Variants in CPNE5 observed in about 807,000 individuals in gnomAD.
The protein encoded by CPNE5 is copine 5.
CPNE5 carries 42 observed loss-of-function variants against 81.1 expected under a neutral mutation model. The observed-to-expected ratio is 0.52, with a 90% CI of 0.40 to 0.67. The LOEUF is 0.67. Ranked by LOEUF, CPNE5 falls within the 30% of genes least tolerant of loss-of-function variation. CPNE5 has a pLI of 0.00. For synonymous variants in CPNE5, 313 were observed against 321.5 expected, an observed-to-expected ratio of 0.97 and a Z score of 0.28; for missense variants, 612 against 815.5, an observed-to-expected ratio of 0.75 and a Z score of 3.04.
At chr6:36,780,089 G>A (rs956210020) in intron 8 of CPNE5, among the ~76,000 whole-genome samples, 10 of 151,636 alleles carry the variant, frequency 6.6e-5, no homozygotes, top group African/African-American at 2.2e-4. Context: ...TCAGCCTCCC[G>A]AGTAGCTGGG....
intron 8 of CPNE5, among the ~76,000 whole-genome samples, chr6:36,790,629 C>T (rs1217245231): frequency 6.6e-6 from 1 of 152,184 alleles, no homozygotes; most frequent in Non-Finnish European, 1.5e-5. Flanking sequence ...TGGAGTCTCG[C>T]TCTGTCGCCC....
At chr6:36,791,935 G>A in intron 8 of CPNE5, 98 bp downstream of exon 8, 2 of 1,051,816 alleles carry the variant, frequency 1.9e-6, no homozygotes, top group Non-Finnish European at 1.5e-6. Flanking sequence ...CAGGAGCCCT[G>A]TCTACCCTCG....
In CPNE5 at chr6:36,746,277, C is replaced by T; in HGVS notation, c.1200+119G>A. The stretch of plus-strand genomic sequence containing the variant: ...CCTACACACAGCAGGCAGTCTACCT[C>T]CACTGAGGCTGAGCCTTAAGTCCCC... On this transcript the variant is annotated intron_variant, in intron 16 of 20. Coordinates refer to ENST00000244751, the MANE Select transcript of CPNE5 (RefSeq NM_020939.2). The surrounding 1 kb of genome is among the most constrained non-coding windows in gnomAD (Gnocchi z 4.5). The T allele has an allele frequency of 6.9e-7, 1 of 1,455,934 alleles. No individual in the cohort carries two copies. Among genetic ancestry groups the T allele is most frequent in the Non-Finnish European group, 9.0e-7 (1 of 1,105,506 alleles). 90.2% of individuals were successfully genotyped at this position (1,455,934 alleles called of 1,614,324 possible).
At position 36,790,541 on chromosome 6, in the gene CPNE5, C is replaced by T. The variant is rs375829764; in HGVS notation, c.528+1492G>A. ...TTTGCAAAAATGTAAAACAAGGCCA[C>T]TCTTCTCATTAAATGATTATTGGGA... On this transcript the variant is annotated intron_variant, in intron 8 of 20. Transcript: ENST00000244751. Among the ~76,000 whole-genome samples the T allele has an allele frequency of 6.9e-4, 105 of 152,318 alleles. 2 individuals are homozygous for T. The South Asian group carries it at 0.022, about 32-fold the overall frequency.
intron 5 of CPNE5, 51 bp downstream of exon 5, chr6:36,798,404 A>G (rs1769787873): frequency 1.3e-6 from 2 of 1,591,234 alleles, no homozygotes; most frequent in Admixed American, 1.7e-5. Context: ...CACCCAGAGG[A>G]TGGCATTTCA....
At chr6:36,748,100 T>A (rs1359350121) in intron 15 of CPNE5, 121 bp downstream of exon 15, 5 of 897,756 alleles carry the variant, frequency 5.6e-6, no homozygotes, top group Non-Finnish European at 9.4e-6. Flanking sequence ...CCTAGGTACA[T>A]CCTCTTTGGT....
chr6:36,790,045 C>T (rs1768948350), intron 8 of CPNE5, among the ~76,000 whole-genome samples: 1 of 152,160 alleles, frequency 6.6e-6, no homozygotes, highest in Non-Finnish European at 1.5e-5. Flanking sequence ...TGGTTAAAGA[C>T]CTTGGCTCTA....
At position 36,763,698 on chromosome 6, in the gene CPNE5, T is replaced by A. The variant is rs1312558671; in HGVS notation, c.780-706A>T. ...AAAGTGCCCTTATTTTTTAGACATT[T>A]TCAATGAAGCATTTAGAGGTAAAAT... is the stretch of plus-strand genomic sequence containing the variant. On this transcript the variant is annotated intron_variant, in intron 11 of 20. Transcript: ENST00000244751. Among the ~76,000 whole-genome samples, 3 of 152,194 alleles carry A rather than the reference T, an allele frequency of 2.0e-5. No individual in the cohort carries two copies. The East Asian group carries it at 5.8e-4, about 29-fold the overall frequency.
chr6:36,756,318 C>A lies in CPNE5; in HGVS notation c.856-20G>T. On this transcript the variant is annotated intron_variant, in intron 12 of 20. Coordinates refer to ENST00000244751, the MANE Select transcript of CPNE5 (RefSeq NM_020939.2). ...TACCACCTGCAGGAAAAACCAGTTA[C>A]CAGGTAAGGCATGCTTCCAGGCAGT... 1 of 1,611,614 alleles carries A rather than the reference C, an allele frequency of 6.2e-7. No homozygotes were observed. Among genetic ancestry groups the A allele is most frequent in the Non-Finnish European group, 8.5e-7 (1 of 1,178,100 alleles).
At chr6:36,744,388 G>A (rs972814754) in intron 18 of CPNE5, 63 bp from the exon 19 acceptor site, 25 of 1,323,912 alleles carry the variant, frequency 1.9e-5, no homozygotes, top group Non-Finnish European at 2.7e-5. Flanking sequence ...TAAAAGGAAG[G>A]AGAAATCAGG....
intron 8 of CPNE5, among the ~76,000 whole-genome samples, chr6:36,780,245 G>C (rs977341022): frequency 2.6e-5 from 4 of 152,202 alleles, no homozygotes; most frequent in African/African-American, 7.2e-5. Context: ...TTACAGGCGT[G>C]AGCCACTGCA....
At chr6:36,831,938 G>A (rs1357412463) in intron 1 of CPNE5, among the ~76,000 whole-genome samples, 2 of 152,162 alleles carry the variant, frequency 1.3e-5, no homozygotes, top group Admixed American at 6.5e-5. Flanking sequence ...GAGTGGCACT[G>A]ACTTTCAGTG....
At chr6:36,838,641 G>T in intron 1 of CPNE5, 1 of 414,612 alleles carries the variant, frequency 2.4e-6, no homozygotes, top group Non-Finnish European at 3.2e-6. Context: ...TAAGATTTTT[G>T]ACCCAAGTTA....
chr6:36,787,350 C>G (rs1275947522), intron 8 of CPNE5, among the ~76,000 whole-genome samples: 25 of 152,082 alleles, frequency 1.6e-4, no homozygotes, highest in Admixed American at 1.6e-3. Context: ...CATCACCACC[C>G]ACAGTCTCAT....
intron 4 of CPNE5, among the ~76,000 whole-genome samples, chr6:36,799,764 G>A (rs1428716682): frequency 1.3e-5 from 2 of 152,158 alleles, no homozygotes; most frequent in Non-Finnish European, 2.9e-5. Flanking sequence ...TGGGGTGAAT[G>A]CCATTGTTCT....
intron 6 of CPNE5, 25 bp from the exon 7 acceptor site, chr6:36,794,674 A>G: frequency 1.2e-6 from 2 of 1,611,610 alleles, no homozygotes; most frequent in Non-Finnish European, 1.7e-6. Context: ...GGGGAGAGAG[A>G]GCATGCCATG....
At chr6:36,833,726 G>A (rs1773166897) in intron 1 of CPNE5, among the ~76,000 whole-genome samples, 1 of 152,144 alleles carries the variant, frequency 6.6e-6, no homozygotes, top group African/African-American at 2.4e-5. Context: ...CAGAGCCTTG[G>A]ATAAGACCAC....
chr6:36,743,038 G>A (rs1763711905), intron 20 of CPNE5: 2 of 985,420 alleles, frequency 2.0e-6, no homozygotes. Context: ...CTCCCAGGTT[G>A]TCTTGCTCTG....
At chr6:36,816,551 A>C (rs236387) in intron 3 of CPNE5, among the ~76,000 whole-genome samples, 61,093 of 151,990 alleles carry the variant, frequency 0.4, 12,484 homozygotes, top group African/African-American at 0.43. Context: ...TATTTCTCGG[A>C]CAAGATTCTG....
Sources: gnomAD v4.1 joint callset for allele counts (sites outside exome capture counted in the v4.1 genomes callset) on GRCh38, gnomAD v4.1.1 for gene constraint, Gnocchi (gnomAD v3.1) non-coding constraint, MANE v1.5 for transcripts, NCBI Gene and HGNC (gene_info 2026-07-23, HGNC 2026-07-21) for gene names.